The following HTRA3 variants were observed in gnomAD, a reference collection of about 807,000 sequenced individuals.
HTRA3 encodes HtrA serine peptidase 3.
A neutral mutation model predicts 43.2 loss-of-function variants in HTRA3; 41 were observed. The ratio of observed to expected loss-of-function variants is 0.95; its 90% confidence interval spans 0.74 to 1.23. The LOEUF (loss-of-function observed/expected upper bound fraction) is 1.23. HTRA3 is among the 50% of genes most tolerant of loss of function. HTRA3 has a pLI of 0.00. For synonymous variants in HTRA3, 295 were observed against 287.9 expected, an observed-to-expected ratio of 1.02 and a Z score of -0.25; for missense variants, 628 against 647.1, an observed-to-expected ratio of 0.97 and a Z score of 0.32.
intron 6 of HTRA3, 47 bp from the exon 7 acceptor site, chr4:8,302,416 G>T: frequency 6.3e-7 from 1 of 1,588,016 alleles, no homozygotes; most frequent in Non-Finnish European, 8.6e-7. Context: ...GAGCGTGGTG[G>T]CTTTTCACAG....
chr4:8,277,206 G>A (rs531570150), intron 1 of HTRA3, among the ~76,000 whole-genome samples: 1 of 152,204 alleles, frequency 6.6e-6, no homozygotes, highest in African/African-American at 2.4e-5. Context: ...GCTCGGTGGG[G>A]CAAAGTTCAC....
intron 6 of HTRA3, among the ~76,000 whole-genome samples, chr4:8,300,413 A>G (rs1403357456): frequency 6.6e-6 from 1 of 152,196 alleles, no homozygotes; most frequent in African/African-American, 2.4e-5. Flanking sequence ...AATTTCTTTA[A>G]TAGATGTAGT....
intron 1 of HTRA3, among the ~76,000 whole-genome samples, 194 bp downstream of exon 1, chr4:8,270,547 T>G (rs1712227891): frequency 6.6e-6 from 1 of 152,112 alleles, no homozygotes; most frequent in Non-Finnish European, 1.5e-5. Flanking sequence ...GTCCCCAAGG[T>G]CACAGAATTA....
intron 7 of HTRA3, among the ~76,000 whole-genome samples, chr4:8,303,151 G>A (rs994318651): frequency 3.3e-5 from 5 of 152,174 alleles, no homozygotes; most frequent in African/African-American, 1.2e-4. Flanking sequence ...ACGAATTTGG[G>A]GGAACACCAT....
In HTRA3 at chr4:8,306,246, T is replaced by A; in HGVS notation, c.*110T>A. The A allele has an allele frequency of 8.4e-7, 1 of 1,184,108 alleles. No individual in the cohort carries two copies. Among genetic ancestry groups the A allele is most frequent in the Non-Finnish European group, 1.1e-6 (1 of 871,704 alleles). 73.4% of individuals were successfully genotyped at this position (1,184,108 alleles called of 1,614,324 possible). ...GTCGGTCCTCAGCAGGGCGGCAGCC[T>A]CCTCCTGGCTGTCCGGGGCAGAGCG... is the stretch of plus-strand genomic sequence containing the variant. On this transcript the variant is annotated 3_prime_UTR_variant, in exon 9 of 9. Coordinates refer to ENST00000307358, the MANE Select transcript of HTRA3 (RefSeq NM_053044.5). This position sits in a 1 kb window ranked among gnomAD's most constrained non-coding sequence, Gnocchi z 8.9.
At position 8,296,178 on chromosome 4, in the gene HTRA3, G is replaced by A. The variant is rs1560142057; in HGVS notation, c.1051+1977G>A. ...TGGCTTTCCTTGGAAGTGGATGATA[G>A]TGTCCTCTTCCCTTCTTGCCTCTCT... On this transcript the variant is annotated intron_variant, in intron 6 of 8. Transcript: ENST00000307358. The surrounding 1 kb of genome is among the most constrained non-coding windows in gnomAD (Gnocchi z 5.3). The A allele has an allele frequency of 5.2e-5, 51 of 987,498 alleles. No homozygotes were observed. Among genetic ancestry groups the A allele is most frequent in the Non-Finnish European group, 6.1e-5 (51 of 831,488 alleles). The allele number at this position is 987,498 out of a possible 1,614,324, so 61.2% of individuals were successfully genotyped here. A position where few individuals can be genotyped will look rare whatever the true frequency, so the allele number is the denominator to read the frequency against.
rs765043929 is a variant in HTRA3 at position 8,292,341 on chromosome 4, A to G, written c.924A>G (p.Pro308=). The G allele has an allele frequency of 3.7e-6, 6 of 1,613,282 alleles. No homozygotes were observed. In the Admixed American group the frequency reaches 1.0e-4, roughly 27 times the overall value. ...AIINYGNSGG[P]LVNLDGEVIG... is the part of the protein sequence containing the mutation. ...TGCAGTACGGGAACTCCGGGGGACC[A>G]CTGGTGAACCTGGTAAGTGTCCCCT... is the stretch of plus-strand genomic sequence containing the variant. Residue 308 remains proline (P), a synonymous_variant, in exon 5 of 9, where the codon CCA becomes CCG. Transcript: ENST00000307358.
rs75025198 is a variant in HTRA3 at position 8,294,067 on chromosome 4, G to C, written c.937-20G>C. On this transcript the variant is annotated intron_variant, in intron 5 of 8. Coordinates refer to ENST00000307358, the MANE Select transcript of HTRA3 (RefSeq NM_053044.5). ...GCCTGGGTTCCCCCAACTGATGCCT[G>C]CTCTTACCTCCCTGCCCAGGATGGC... 3.7e-4 allele frequency: 581 copies of C among 1,571,954 alleles called. 2 individuals carry two copies. The African/African-American group carries it at 6.4e-3, about 17-fold the overall frequency.
rs555489059 is a variant in HTRA3 at position 8,279,514 on chromosome 4, G to A, written c.386-2923G>A. Among the ~76,000 whole-genome samples, 1 of 152,144 alleles carries A rather than the reference G, an allele frequency of 6.6e-6. No homozygotes were observed. ...GGGGCCCAGCAGCCCAGGCGCTTGA[G>A]GGGGTCCAGGGGCTGGGCTTTGGCA... On this transcript the variant is annotated intron_variant, in intron 1 of 8. Coordinates refer to ENST00000307358, the MANE Select transcript of HTRA3 (RefSeq NM_053044.5). The surrounding 1 kb of genome is among the most constrained non-coding windows in gnomAD (Gnocchi z 7.4).
rs746783864 is a variant in HTRA3 at position 8,302,495 on chromosome 4, C to T, written c.1084C>T (p.Arg362Trp). Residue 362 changes from arginine to tryptophan, a missense_variant, in exon 7 of 9, where the codon CGG becomes TGG. Arg to Trp is a moderately radical substitution (Grantham distance 101). Coordinates refer to ENST00000307358, the MANE Select transcript of HTRA3 (RefSeq NM_053044.5). The part of the protein sequence containing the change: ...WKKRFIGIRM[R>W]TITPSLVDEL... ...GAAGCGCTTCATCGGCATACGGATG[C>T]GGACGATCACACCAAGGTGAGTGTC... 12 of 1,613,890 alleles carry T rather than the reference C, an allele frequency of 7.4e-6. 1 individual carries two copies. Among genetic ancestry groups the T allele is most frequent in the South Asian group, 3.3e-5 (3 of 91,086 alleles).
chr4:8,300,879 TCA>T (rs1443870880), intron 6 of HTRA3, among the ~76,000 whole-genome samples: 1 of 152,016 alleles, frequency 6.6e-6, no homozygotes, highest in Non-Finnish European at 1.5e-5. Context: ...CTTTATTGAT[TCA>T]CACTCATCTT....
chr4:8,295,206 C>T lies in HTRA3; in HGVS notation c.1051+1005C>T, dbSNP rs1371393383. The stretch of plus-strand genomic sequence containing the variant: ...CTCTATCCCTGTCCGTCTATTCTTC[C>T]ATCCATCTACCCACTCCTGAGTACT... On this transcript the variant is annotated intron_variant, in intron 6 of 8. Transcript: ENST00000307358. The surrounding 1 kb of genome is among the most constrained non-coding windows in gnomAD (Gnocchi z 6.9). 2.6e-5 allele frequency among the ~76,000 whole-genome samples: 4 copies of T among 152,192 alleles called. No homozygotes were observed. The East Asian group carries it at 7.7e-4, about 29-fold the overall frequency.
intron 8 of HTRA3, among the ~76,000 whole-genome samples, chr4:8,304,896 C>G (rs183977263): frequency 1.3e-5 from 2 of 152,186 alleles, no homozygotes; most frequent in East Asian, 3.9e-4. Context: ...TGACCTCAGG[C>G]GATCCACCTG....
chr4:8,277,860 A>G (rs77712805), intron 1 of HTRA3, among the ~76,000 whole-genome samples: 5,855 of 152,258 alleles, frequency 0.038, 198 homozygotes, highest in African/African-American at 0.088. Flanking sequence ...ACAGCTGACC[A>G]CTGGGTGGCA....
In HTRA3 at chr4:8,306,196, C is replaced by A. The variant is rs530094631; in HGVS notation, c.*60C>A. The stretch of plus-strand genomic sequence containing the variant: ...TGCAGACAACGGAGGGCAGCGCCCC[C>A]CCGAGATCAGGACGAAGGACCACCG... On this transcript the variant is annotated 3_prime_UTR_variant, in exon 9 of 9. Transcript: ENST00000307358. The surrounding 1 kb of genome is among the most constrained non-coding windows in gnomAD (Gnocchi z 8.9). 8.0e-6 allele frequency: 12 copies of A among 1,493,058 alleles called. No homozygotes were observed. The highest frequency in any genetic ancestry group is 2.4e-5 in the East Asian group (1 of 42,094). 92.5% of individuals were successfully genotyped at this position (1,493,058 alleles called of 1,614,324 possible).
At position 8,296,922 on chromosome 4, in the gene HTRA3, G is replaced by A. The variant is rs1713477067; in HGVS notation, c.1051+2721G>A. On this transcript the variant is annotated intron_variant, in intron 6 of 8. Transcript: ENST00000307358. This position sits in a 1 kb window ranked among gnomAD's most constrained non-coding sequence, Gnocchi z 5.3. ...AGTTCCCAGATCTCTGACATCACAG[G>A]ATTCCTCGATCTCAGAGGCCACAGG... Among the ~76,000 whole-genome samples the A allele has an allele frequency of 6.6e-6, 1 of 152,136 alleles. No homozygotes were observed. The highest frequency in any genetic ancestry group is 6.5e-5 in the Admixed American group (1 of 15,280).
chr4:8,293,092 G>A (rs1419892424), intron 5 of HTRA3, among the ~76,000 whole-genome samples: 9 of 152,190 alleles, frequency 5.9e-5, no homozygotes, highest in Non-Finnish European at 1.3e-4. Flanking sequence ...TAGGGAGGGG[G>A]AGGTCAGACA....
intron 6 of HTRA3, 148 bp downstream of exon 6, chr4:8,294,349 AAGCT>A: frequency 1.7e-6 from 1 of 573,478 alleles, no homozygotes; most frequent in Non-Finnish European, 3.1e-6. Flanking sequence ...GCCCACCCCA[AAGCT>A]GTGAGACCCC....
chr4:8,280,490 G>T (rs1001051098), intron 1 of HTRA3, among the ~76,000 whole-genome samples: 3 of 152,202 alleles, frequency 2.0e-5, no homozygotes, highest in Admixed American at 6.5e-5. Context: ...GTTCCCAGGG[G>T]CAGGGAGGAG....
Sources: gnomAD v4.1 joint callset for allele counts (sites outside exome capture counted in the v4.1 genomes callset) on GRCh38, gnomAD v4.1.1 for gene constraint, Gnocchi (gnomAD v3.1) non-coding constraint, MANE v1.5 for transcripts, NCBI Gene and HGNC (gene_info 2026-07-23, HGNC 2026-07-21) for gene names.